ARFGEF3: variants seen among roughly 807,000 people sequenced by gnomAD.
ARFGEF3 encodes ARFGEF family member 3.
Under a neutral mutation model 221.7 loss-of-function variants are expected in ARFGEF3, and 96 were observed. The observed-to-expected ratio is 0.43, with a 90% CI of 0.37 to 0.51. The LOEUF (loss-of-function observed/expected upper bound fraction) is 0.51. Ranked by LOEUF, ARFGEF3 falls within the 20% of genes least tolerant of loss-of-function variation. The probability of loss-of-function intolerance (pLI) is 0.00; values close to 1 mark genes in which losing one functional copy is unlikely to be tolerated. For synonymous variants in ARFGEF3, 1,145 were observed against 1,126.8 expected (o/e 1.02, Z -0.32); for missense variants, 2,410 against 2,789.9 (o/e 0.86, Z 3.07).
intron 17 of ARFGEF3, among the ~76,000 whole-genome samples, chr6:138,289,119 AATTTTGT>A (rs1779352659): frequency 6.6e-6 from 1 of 151,998 alleles, no homozygotes; most frequent in South Asian, 2.1e-4. Flanking sequence ...ATGCCCGGCT[AATTTTGT>A]ATTTTCAGTA....
chr6:138,305,612 CA>C (rs565498235), intron 22 of ARFGEF3, among the ~76,000 whole-genome samples: 3,400 of 63,046 alleles, frequency 0.054, 64 homozygotes, highest in African/African-American at 0.14. Flanking sequence ...GACCCTGTCT[CA>C]AAAAAAAAAA....
intron 12 of ARFGEF3, among the ~76,000 whole-genome samples, chr6:138,265,112 C>T (rs190511844): frequency 2.6e-5 from 4 of 152,154 alleles, no homozygotes; most frequent in South Asian, 2.1e-4. Context: ...GCTGTGTTAG[C>T]CAGGATGGTC....
At position 138,190,622 on chromosome 6, in the gene ARFGEF3, G is replaced by A. The variant is rs528278696; in HGVS notation, c.138-16420G>A. On this transcript the variant is annotated intron_variant, in intron 2 of 33. Coordinates refer to ENST00000251691, the MANE Select transcript of ARFGEF3 (RefSeq NM_020340.5). ...GATAAAAAGTCAATAAAAGAGTGAAGGGTACAGATTTTTCTATCTTCTGGA... is the reference window on the plus strand; with the variant it reads ...GATAAAAAGTCAATAAAAGAGTGAAAGGTACAGATTTTTCTATCTTCTGGA... Among the ~76,000 whole-genome samples, 21 of 152,290 alleles carry A rather than the reference G, an allele frequency of 1.4e-4. No individual in the cohort carries two copies. The South Asian group carries it at 3.3e-3, about 24-fold the overall frequency.
intron 1 of ARFGEF3, among the ~76,000 whole-genome samples, chr6:138,165,758 G>A (rs1301955102): frequency 6.6e-6 from 1 of 152,144 alleles, no homozygotes; most frequent in Non-Finnish European, 1.5e-5. Context: ...TAGGAGAGAG[G>A]GTCATCCGAC....
intron 2 of ARFGEF3, among the ~76,000 whole-genome samples, chr6:138,184,020 G>A (rs1276896314): frequency 6.6e-6 from 1 of 152,186 alleles, no homozygotes; most frequent in Non-Finnish European, 1.5e-5. Flanking sequence ...AACCCTCTGT[G>A]CGTTACTGAT....
intron 25 of ARFGEF3, 82 bp downstream of exon 25, chr6:138,311,592 G>T: frequency 1.1e-6 from 1 of 906,916 alleles, no homozygotes; most frequent in Non-Finnish European, 1.7e-6. Context: ...GGGGTCTTTT[G>T]CTGAAGCCCG....
At chr6:138,208,332 T>C (rs1777660667) in intron 3 of ARFGEF3, among the ~76,000 whole-genome samples, 1 of 152,154 alleles carries the variant, frequency 6.6e-6, no homozygotes, top group South Asian at 2.1e-4. Context: ...AAATAAATTG[T>C]ATGTAAACTC....
chr6:138,246,384 G>A (rs1052497726), intron 8 of ARFGEF3, among the ~76,000 whole-genome samples: 2 of 152,196 alleles, frequency 1.3e-5, no homozygotes, highest in East Asian at 1.9e-4. Context: ...AAACTCACTT[G>A]TTGAATTTTA....
At chr6:138,301,541 C>T (rs551979290) in intron 22 of ARFGEF3, among the ~76,000 whole-genome samples, 1 of 152,200 alleles carries the variant, frequency 6.6e-6, no homozygotes. Flanking sequence ...GGGGAATCCT[C>T]AATCTTGCTT....
At chr6:138,242,484 G>A (rs936473944) in intron 6 of ARFGEF3, among the ~76,000 whole-genome samples, 7 of 152,160 alleles carry the variant, frequency 4.6e-5, no homozygotes, top group African/African-American at 1.7e-4. Context: ...CCTGTATTTT[G>A]AAGTCCAGGA....
chr6:138,308,645 T>C, intron 23 of ARFGEF3, 94 bp from the exon 24 acceptor site: 1 of 1,342,956 alleles, frequency 7.4e-7, no homozygotes, highest in South Asian at 1.3e-5. Context: ...TCTCAAGATC[T>C]GTCTCAGTGG....
At chr6:138,306,018 A>C (rs1038532385) in intron 22 of ARFGEF3, among the ~76,000 whole-genome samples, 1 of 152,220 alleles carries the variant, frequency 6.6e-6, no homozygotes, top group Non-Finnish European at 1.5e-5. Context: ...AATTAAAGAC[A>C]TCAAGGTTTG....
rs1221524304 is a variant in ARFGEF3 at position 138,222,438 on chromosome 6, G to C, written c.352-7346G>C. Among the ~76,000 whole-genome samples the C allele has an allele frequency of 2.0e-5, 3 of 152,164 alleles. No individual in the cohort carries two copies. The East Asian group carries it at 5.8e-4, about 29-fold the overall frequency. On this transcript the variant is annotated intron_variant, in intron 4 of 33. Transcript: ENST00000251691. ...TGGGACAGAAATGAATGAAACAGTA[G>C]TTCTCAGGTGGGAGCAATTTTGTCC...
chr6:138,228,921 C>G (rs560733630), intron 4 of ARFGEF3, among the ~76,000 whole-genome samples: 1 of 152,336 alleles, frequency 6.6e-6, no homozygotes, highest in South Asian at 2.1e-4. Flanking sequence ...AAAGTCAGAG[C>G]TAAGTGAAGA....
chr6:138,168,395 G>A (rs1776760426), intron 1 of ARFGEF3, among the ~76,000 whole-genome samples: 2 of 152,192 alleles, frequency 1.3e-5, no homozygotes, highest in African/African-American at 2.4e-5. Context: ...AAAGAGCAAG[G>A]AGCCAGGGGG....
At chr6:138,261,280 C>T (rs1338211559) in intron 10 of ARFGEF3, among the ~76,000 whole-genome samples, 1 of 152,174 alleles carries the variant, frequency 6.6e-6, no homozygotes, top group Admixed American at 6.5e-5. Flanking sequence ...TTTCAACAAT[C>T]CCTCTGATCA....
chr6:138,242,241 A>G (rs1315755444), intron 6 of ARFGEF3, among the ~76,000 whole-genome samples: 1 of 152,260 alleles, frequency 6.6e-6, no homozygotes, highest in African/African-American at 2.4e-5. Flanking sequence ...GGTAAGGAGA[A>G]TAAAGTGCCA....
chr6:138,260,248 GT>G (rs1778764625), intron 10 of ARFGEF3, among the ~76,000 whole-genome samples: 1 of 152,200 alleles, frequency 6.6e-6, no homozygotes, highest in South Asian at 2.1e-4. Flanking sequence ...TTCAATTTCT[GT>G]GGTATGAAAG....
chr6:138,195,247 G>A (rs1040276213), intron 2 of ARFGEF3, among the ~76,000 whole-genome samples: 11 of 151,766 alleles, frequency 7.2e-5, no homozygotes, highest in Admixed American at 7.2e-4. Context: ...CAGATGATCT[G>A]CCCTCCTCGG....
Sources: gnomAD v4.1 joint callset for allele counts (sites outside exome capture counted in the v4.1 genomes callset) on GRCh38, gnomAD v4.1.1 for gene constraint, MANE v1.5 for transcripts, NCBI Gene and HGNC (gene_info 2026-07-23, HGNC 2026-07-21) for gene names.